Variants in MSL1 observed in about 807,000 individuals in gnomAD.
MSL1 encodes MSL complex subunit 1, also known as male-specific lethal 1 homolog.
Under a neutral mutation model 64.6 loss-of-function variants are expected in MSL1, and 21 were observed. The observed-to-expected ratio is 0.33, with a 90% CI of 0.23 to 0.47. The LOEUF (loss-of-function observed/expected upper bound fraction) is 0.47, where lower values mean the gene tolerates loss of function less well. Among genes scored for constraint, MSL1 ranks in the 20% least tolerant of loss-of-function variants. The pLI is 1.00. For missense variants in MSL1, 664 were observed against 793.2 expected, an observed-to-expected ratio of 0.84 and a Z score of 1.96; for synonymous variants, 339 against 329.6, an observed-to-expected ratio of 1.03 and a Z score of -0.31.
At chr17:40,133,001 T>C (rs142334894) in intron 5 of MSL1, 41 bp from the exon 6 acceptor site, 28 of 1,567,274 alleles carry the variant, frequency 1.8e-5, no homozygotes, top group African/African-American at 1.3e-4. Flanking sequence ...GTAACTAATA[T>C]ATGGTGATAA....
At position 40,131,475 on chromosome 17, in the gene MSL1, T is replaced by C; in HGVS notation, c.1376-62T>C. ...ACTTCAGTGATGATCCTTTCCTCCA[T>C]TTGGGGTATGGGCTTTTTTTCTTTT... On this transcript the variant is annotated intron_variant, in intron 3 of 8. Coordinates refer to ENST00000398532, the MANE Select transcript of MSL1 (RefSeq NM_001365919.1). This position sits in a 1 kb window ranked among gnomAD's most constrained non-coding sequence, Gnocchi z 4.5. 7.0e-7 allele frequency: 1 copy of C among 1,426,294 alleles called. No individual in the cohort carries two copies. Among genetic ancestry groups the C allele is most frequent in the East Asian group, 2.3e-5 (1 of 43,826 alleles). 88.4% of individuals were successfully genotyped at this position (1,426,294 alleles called of 1,614,324 possible).
rs1465573086 is a variant in MSL1, at chr17:40,134,266, C to A, written c.1755-13C>A. On this transcript the variant is annotated splice_polypyrimidine_tract_variant and intron_variant, in intron 8 of 8. Coordinates refer to ENST00000398532, the MANE Select transcript of MSL1 (RefSeq NM_001365919.1). Reference sequence around the variant, plus strand: ...TAGTCTTGCAAGTTGATTTCCTCATCCTTTTTTGCCAGGAATTTTGAGCTA... The same window carrying A: ...TAGTCTTGCAAGTTGATTTCCTCATACTTTTTTGCCAGGAATTTTGAGCTA... 1.9e-6 allele frequency: 3 copies of A among 1,551,836 alleles called. No homozygotes were observed. The East Asian group carries it at 7.3e-5, about 38-fold the overall frequency.
chr17:40,127,266 T>C (rs1988339483), intron 2 of MSL1, among the ~76,000 whole-genome samples: 1 of 149,976 alleles, frequency 6.7e-6, no homozygotes, highest in Non-Finnish European at 1.5e-5. Context: ...ACTCAGGAGG[T>C]TGAGGCTACA....
At position 40,131,351 on chromosome 17, in the gene MSL1, C is replaced by G; in HGVS notation, c.1376-186C>G. The G allele has an allele frequency of 2.0e-6, 1 of 502,904 alleles. No individual in the cohort carries two copies. The allele number at this position is 502,904 out of a possible 1,614,324, so 31.2% of individuals were successfully genotyped here. ...CAGTGTAAAAAAAAAAAGTGGTGGG[C>G]TTATTTTCTTTTCTTTTGTCTGTTG... On this transcript the variant is annotated intron_variant, in intron 3 of 8. Transcript: ENST00000398532. The surrounding 1 kb of genome is among the most constrained non-coding windows in gnomAD (Gnocchi z 4.5).
intron 6 of MSL1, 42 bp downstream of exon 6, chr17:40,133,151 G>A: frequency 1.3e-6 from 2 of 1,548,892 alleles, no homozygotes; most frequent in Non-Finnish European, 1.8e-6. Context: ...CTGAGCCCTA[G>A]GACCTAGGAC....
intron 5 of MSL1, among the ~76,000 whole-genome samples, chr17:40,132,313 T>A (rs1293894175): frequency 1.3e-5 from 2 of 152,200 alleles, no homozygotes; most frequent in Non-Finnish European, 2.9e-5. Context: ...AGCTAGGTAA[T>A]GTTCAAAACA....
chr17:40,126,254 C>G lies in MSL1; in HGVS notation c.840C>G (p.His280Gln). ...AGAAGGATAACGAGAAAGAAAGGCA[C>G]AAGCTGTTTCAGGGCTATGAAACTG... ...LVKKDNEKER[H>Q]KLFQGYETEE... Residue 280 changes from histidine (H) to glutamine (Q), a missense_variant, in exon 2 of 9, where the codon CAC becomes CAG. By Grantham distance (24) the His-to-Gln change is conservative. Around this residue, in one of 4 missense-constraint regions of MSL1, gnomAD observed 466 missense variants for 499.0 expected, o/e 0.93. Transcript: ENST00000398532. 1 of 1,613,978 alleles carries G rather than the reference C, an allele frequency of 6.2e-7. No homozygotes were observed. The highest frequency in any genetic ancestry group is 8.5e-7 in the Non-Finnish European group (1 of 1,179,890).
Position 40,136,523 on chromosome 17 carries a change from C to A in MSL1, c.*2154C>A, listed in dbSNP as rs1327527783. On this transcript the variant is annotated 3_prime_UTR_variant, in exon 9 of 9. Transcript: ENST00000398532. Reference sequence around the variant, plus strand: ...GTCTTATTTTTCCCTACATGGGATACAACACTGTGAATTCAATCTTCAACT... The same window carrying A: ...GTCTTATTTTTCCCTACATGGGATAAAACACTGTGAATTCAATCTTCAACT... 1 of 152,324 alleles carries A rather than the reference C, an allele frequency of 6.6e-6. No homozygotes were observed. Among genetic ancestry groups the A allele is most frequent in the Non-Finnish European group, 1.5e-5 (1 of 68,032 alleles). 9.4% of individuals were successfully genotyped at this position (152,324 alleles called of 1,614,324 possible).
At chr17:40,132,172 C>T in intron 5 of MSL1, 74 bp downstream of exon 5, 1 of 1,052,542 alleles carries the variant, frequency 9.5e-7, no homozygotes, top group Non-Finnish European at 1.4e-6. Flanking sequence ...TGGAAAATGT[C>T]ATAGTACTAT....
At chr17:40,133,277 T>A in intron 6 of MSL1, 168 bp downstream of exon 6, 1 of 756,282 alleles carries the variant, frequency 1.3e-6, no homozygotes, top group South Asian at 1.9e-5. Flanking sequence ...AAATGGTAGT[T>A]GTTGCGGTAA....
chr17:40,128,268 T>TG (rs1471091286), intron 2 of MSL1, among the ~76,000 whole-genome samples: 2 of 151,536 alleles, frequency 1.3e-5, no homozygotes, highest in East Asian at 3.9e-4. Context: ...GGTACAGGGT[T>TG]GGGGGAAAAG....
intron 2 of MSL1, 60 bp from the exon 3 acceptor site, chr17:40,129,185 C>G: frequency 7.2e-7 from 1 of 1,381,664 alleles, no homozygotes; most frequent in African/African-American, 1.5e-5. Flanking sequence ...AGAATGTGTT[C>G]AAATTAGATT....
At chr17:40,127,759 T>G (rs1001390872) in intron 2 of MSL1, among the ~76,000 whole-genome samples, 2 of 152,222 alleles carry the variant, frequency 1.3e-5, no homozygotes, top group African/African-American at 4.8e-5. Context: ...TAAACTAAGT[T>G]TTGTAAGATT....
At chr17:40,128,856 CA>C (rs1988379930) in intron 2 of MSL1, among the ~76,000 whole-genome samples, 1 of 151,264 alleles carries the variant, frequency 6.6e-6, no homozygotes, top group Non-Finnish European at 1.5e-5. Flanking sequence ...ATTAAAAATA[CA>C]AAAAAAATTA....
Position 40,126,363 on chromosome 17 carries a change from C to G in MSL1, c.949C>G (p.Pro317Ala). Residue 317 changes from proline to alanine, a missense_variant, in exon 2 of 9, where the codon CCC becomes GCC. Pro to Ala is a conservative substitution (Grantham distance 27). Around this residue, in one of 4 missense-constraint regions of MSL1, gnomAD observed 466 missense variants for 499.0 expected, o/e 0.93. Transcript: ENST00000398532. ...TTCCGAGACATCCCAGACTCTGCCT[C>G]CCAAGCCCTTCTCATGTGGGCGGAG... ...ELSETSQTLP[P>A]KPFSCGRSGK... is the part of the protein sequence containing the mutation. The G allele has an allele frequency of 1.2e-6, 2 of 1,613,960 alleles. No homozygotes were observed. The highest frequency in any genetic ancestry group is 1.7e-6 in the Non-Finnish European group (2 of 1,179,890).
chr17:40,134,432 A>G lies in MSL1; in HGVS notation c.*63A>G. On this transcript the variant is annotated 3_prime_UTR_variant, in exon 9 of 9. Transcript: ENST00000398532. ...CATGCCATTCCCGAGAGTGGCAGAGACCTGTATATGTGACCTTTGTCCTCA... is the reference window on the plus strand; with the variant it reads ...CATGCCATTCCCGAGAGTGGCAGAGGCCTGTATATGTGACCTTTGTCCTCA... 1.5e-6 allele frequency: 2 copies of G among 1,350,544 alleles called. No homozygotes were observed. Among genetic ancestry groups the G allele is most frequent in the Middle Eastern group, 1.8e-4 (1 of 5,584 alleles). The allele number at this position is 1,350,544 out of a possible 1,614,324, so 83.7% of individuals were successfully genotyped here. A position where few individuals can be genotyped will look rare whatever the true frequency, so the allele number is the denominator to read the frequency against.
intron 5 of MSL1, 86 bp from the exon 6 acceptor site, chr17:40,132,956 G>T (rs1296309571): frequency 7.6e-7 from 1 of 1,311,832 alleles, no homozygotes; most frequent in Non-Finnish European, 1.1e-6. Flanking sequence ...AAGATTTTAC[G>T]TTCCTGGAAG....
chr17:40,136,670 T>G lies in MSL1; in HGVS notation c.*2301T>G, dbSNP rs1988545941. On this transcript the variant is annotated 3_prime_UTR_variant, in exon 9 of 9. Transcript: ENST00000398532. The stretch of plus-strand genomic sequence containing the variant: ...ACTTCAGCTTTGTTTTATGCCCATT[T>G]CATATTGTTGTCTGTGTTGTAATTC... 6.6e-6 allele frequency: 1 copy of G among 152,368 alleles called. No homozygotes were observed. The highest frequency in any genetic ancestry group is 2.1e-4 in the South Asian group (1 of 4,834). The allele number at this position is 152,368 out of a possible 1,614,324, so 9.4% of individuals were successfully genotyped here. A position where few individuals can be genotyped will look rare whatever the true frequency, so the allele number is the denominator to read the frequency against.
At chr17:40,125,159 G>A (rs919466493) in intron 1 of MSL1, among the ~76,000 whole-genome samples, 1 of 152,158 alleles carries the variant, frequency 6.6e-6, no homozygotes, top group South Asian at 2.1e-4. Flanking sequence ...TACTAATAGA[G>A]TTCCATTTTC....
Sources: gnomAD v4.1 joint callset for allele counts (sites outside exome capture counted in the v4.1 genomes callset) on GRCh38, gnomAD v4.1.1 for gene constraint, gnomAD v4.1.1 regional missense constraint, Gnocchi (gnomAD v3.1) non-coding constraint, MANE v1.5 for transcripts, NCBI Gene and HGNC (gene_info 2026-07-23, HGNC 2026-07-21) for gene names.